Variants in SYN3 observed in about 807,000 individuals in gnomAD.
The protein encoded by SYN3 is synapsin III, also known as synapsin-3.
Under a neutral mutation model 65.8 loss-of-function variants are expected in SYN3, and 35 were observed. The observed-to-expected ratio is 0.53, with a 90% CI of 0.41 to 0.70. The LOEUF (loss-of-function observed/expected upper bound fraction) is 0.70. Ranked by LOEUF, SYN3 falls within the 30% of genes least tolerant of loss-of-function variation. The pLI is 0.00. For missense variants in SYN3, 680 were observed against 749.0 expected (o/e 0.91, Z 1.08); for synonymous variants, 270 against 292.9 (o/e 0.92, Z 0.80).
chr22:32,554,802 GC>G (rs2058469017), intron 7 of SYN3, among the ~76,000 whole-genome samples: 1 of 152,034 alleles, frequency 6.6e-6, no homozygotes, highest in South Asian at 2.1e-4. Context: ...AAGTAAAATT[GC>G]CTTGCTGACA....
intron 4 of SYN3, among the ~76,000 whole-genome samples, chr22:32,878,441 C>G (rs944002477): frequency 6.6e-6 from 1 of 152,142 alleles, no homozygotes; most frequent in Non-Finnish European, 1.5e-5. Context: ...CCTTAACAGA[C>G]CTTCAGCTTC....
intron 6 of SYN3, among the ~76,000 whole-genome samples, chr22:32,709,311 A>G (rs1489152347): frequency 6.6e-6 from 1 of 152,224 alleles, no homozygotes; most frequent in African/African-American, 2.4e-5. Flanking sequence ...AAGAATAGGA[A>G]CCAATGGCTC....
At chr22:32,532,435 G>A (rs2058091338) in intron 10 of SYN3, among the ~76,000 whole-genome samples, 2 of 152,296 alleles carry the variant, frequency 1.3e-5, no homozygotes, top group Non-Finnish European at 2.9e-5. Context: ...CCAAGTAGGG[G>A]CTACTTGGGG....
chr22:32,565,639 C>T (rs2058662287), intron 7 of SYN3, among the ~76,000 whole-genome samples: 2 of 150,866 alleles, frequency 1.3e-5, no homozygotes, highest in African/African-American at 4.8e-5. Context: ...GCTACAGCCT[C>T]CCGAGTAGCT....
At chr22:33,016,433 T>G (rs1288821136) in intron 1 of SYN3, among the ~76,000 whole-genome samples, 7 of 152,216 alleles carry the variant, frequency 4.6e-5, no homozygotes. Flanking sequence ...TCACCTGTTG[T>G]GTATCAATTA....
At chr22:32,897,194 C>T (rs762555133) in intron 4 of SYN3, among the ~76,000 whole-genome samples, 16 of 152,186 alleles carry the variant, frequency 1.1e-4, no homozygotes, top group Non-Finnish European at 2.1e-4. Flanking sequence ...CTGGACCCGG[C>T]GCCCATGGGT....
At chr22:33,055,062 T>C (rs371319704) in intron 1 of SYN3, among the ~76,000 whole-genome samples, 45 of 152,338 alleles carry the variant, frequency 3.0e-4, no homozygotes, top group African/African-American at 1.0e-3. Flanking sequence ...CTTCTCTCTA[T>C]TCCACTTCTC....
chr22:32,712,746 C>T (rs1352899169), intron 6 of SYN3, among the ~76,000 whole-genome samples: 1 of 152,194 alleles, frequency 6.6e-6, no homozygotes, highest in Admixed American at 6.5e-5. Flanking sequence ...CAGCTTCAGA[C>T]CCACTGGCAT....
At chr22:32,693,592 GTTTTT>G (rs1189710191) in intron 6 of SYN3, among the ~76,000 whole-genome samples, 2 of 90,532 alleles carry the variant, frequency 2.2e-5, no homozygotes, top group East Asian at 3.9e-4. Context: ...TCTGTAGCTT[GTTTTT>G]TTTTTTTTTT....
chr22:32,842,947 T>G (rs2047955412), intron 6 of SYN3, among the ~76,000 whole-genome samples: 1 of 152,152 alleles, frequency 6.6e-6, no homozygotes, highest in Non-Finnish European at 1.5e-5. Context: ...GGTCCTTCCT[T>G]TTAGGTATCA....
intron 4 of SYN3, among the ~76,000 whole-genome samples, chr22:32,903,790 C>T (rs1277877294): frequency 4.6e-5 from 7 of 152,182 alleles, no homozygotes; most frequent in Admixed American, 2.6e-4. Context: ...CAATGACTGA[C>T]GACAATGGGT....
chr22:32,811,188 G>C (rs1285178478), intron 6 of SYN3, among the ~76,000 whole-genome samples: 1 of 152,110 alleles, frequency 6.6e-6, no homozygotes, highest in Non-Finnish European at 1.5e-5. Flanking sequence ...AGCAGGGAAG[G>C]CATGTCTGGA....
At chr22:32,612,347 T>G (rs1389289016) in intron 6 of SYN3, among the ~76,000 whole-genome samples, 2 of 152,162 alleles carry the variant, frequency 1.3e-5, no homozygotes, top group African/African-American at 2.4e-5. Context: ...GGGACAGTCT[T>G]GTGGGACTGA....
chr22:32,988,337 TAATAATAATAA>T (rs1265537471), intron 2 of SYN3, among the ~76,000 whole-genome samples: 1 of 121,224 alleles, frequency 8.2e-6, no homozygotes, highest in East Asian at 2.8e-4. Flanking sequence ...ATAATAATAA[TAATAATAATAA>T]AATAAATAGA....
intron 6 of SYN3, among the ~76,000 whole-genome samples, chr22:32,726,664 T>C (rs1003148069): frequency 6.6e-6 from 1 of 151,966 alleles, no homozygotes; most frequent in Non-Finnish European, 1.5e-5. Context: ...ATGACATGGG[T>C]TGGAGAAAAG....
At chr22:33,018,649 A>AG (rs778250895) in intron 1 of SYN3, among the ~76,000 whole-genome samples, 3 of 152,210 alleles carry the variant, frequency 2.0e-5, no homozygotes, top group Non-Finnish European at 4.4e-5. Flanking sequence ...AGGAGGAATG[A>AG]GAGCTGCCCC....
intron 3 of SYN3, among the ~76,000 whole-genome samples, chr22:32,959,664 G>A (rs1167166483): frequency 6.6e-6 from 1 of 151,854 alleles, no homozygotes; most frequent in Non-Finnish European, 1.5e-5. Context: ...ATGCGATCAC[G>A]GCTCACTGCT....
chr22:33,027,546 G>A (rs1168328823), intron 1 of SYN3, among the ~76,000 whole-genome samples: 5 of 151,666 alleles, frequency 3.3e-5, no homozygotes, highest in South Asian at 4.2e-4. Flanking sequence ...GCAGTGAGCC[G>A]AGATTACACC....
chr22:32,859,095 C>A, intron 6 of SYN3: 1 of 1,400,144 alleles, frequency 7.1e-7, no homozygotes, highest in Non-Finnish European at 1.0e-6. Flanking sequence ...GCAGTGGCCC[C>A]AGGGTCTGAA....
Sources: allele counts gnomAD v4.1 joint callset (sites outside exome capture counted in the v4.1 genomes callset), GRCh38; gene constraint gnomAD v4.1.1; transcripts MANE v1.5; gene names NCBI Gene and HGNC (gene_info 2026-07-23, HGNC 2026-07-21).